The following CDKL5 variants were observed in gnomAD, a reference collection of about 807,000 sequenced individuals.
CDKL5 encodes cyclin dependent kinase like 5, also known as cyclin-dependent kinase-like 5.
Under a neutral mutation model 61.7 loss-of-function variants are expected in CDKL5, and 8 were observed. The observed-to-expected ratio is 0.13, with a 90% CI of 0.08 to 0.23. The LOEUF (loss-of-function observed/expected upper bound fraction) is 0.23, where lower values mean the gene tolerates loss of function less well. Among genes scored for constraint, CDKL5 ranks in the 10% least tolerant of loss-of-function variants. The pLI is 1.00. For missense variants in CDKL5, 440 were observed against 734.5 expected (o/e 0.60, Z 4.63); for synonymous variants, 275 against 272.3 (o/e 1.01, Z -0.10).
chrX:18,646,046 G>A, exon 20 of CDKL5: 1 of 1,211,881 alleles, frequency 8.3e-7, no homozygotes, highest in Non-Finnish European at 1.1e-6. Context: ...CACCATTCTG[G>A]ACCCCAAGAT....
chrX:18,441,922 G>A (rs1036124611), intron 1 of CDKL5, among the ~76,000 whole-genome samples: 3 of 111,227 alleles, frequency 2.7e-5, no homozygotes, highest in East Asian at 2.8e-4. Context: ...TTTCAGGCCT[G>A]ACTCTCAGGA....
intron 4 of CDKL5, 81 bp downstream of exon 4, chrX:18,564,603 A>G (rs1357349409): frequency 1.3e-5 from 4 of 307,694 alleles, no homozygotes. Flanking sequence ...TAGAGTGTGG[A>G]AGAAGTGGGA....
chrX:18,621,200 A>C (rs1399944458), intron 16 of CDKL5, among the ~76,000 whole-genome samples: 1 of 112,127 alleles, frequency 8.9e-6, no homozygotes, highest in African/African-American at 3.2e-5. Flanking sequence ...GGCCCTTTCT[A>C]TTATGAAAAT....
chrX:18,552,635 C>T (rs779219843), intron 3 of CDKL5, among the ~76,000 whole-genome samples: 2 of 111,545 alleles, frequency 1.8e-5, no homozygotes, highest in Non-Finnish European at 3.8e-5. Flanking sequence ...AAAGAAGAGG[C>T]GCTTGCTGAG....
At chrX:18,439,683 C>A (rs1222303490) in intron 1 of CDKL5, among the ~76,000 whole-genome samples, 2 of 109,655 alleles carry the variant, frequency 1.8e-5, no homozygotes, top group Non-Finnish European at 3.8e-5. Context: ...ACTAAATATA[C>A]AAAATTAGCT....
chrX:18,542,073 A>G (rs572512038), intron 3 of CDKL5, among the ~76,000 whole-genome samples: 1 of 111,932 alleles, frequency 8.9e-6, no homozygotes, highest in South Asian at 3.7e-4. Flanking sequence ...TTATGTCATT[A>G]GAATCTGGAT....
Position 18,635,647 on chromosome X carries a change from C to G in CDKL5, c.*6890C>G. On this transcript the variant is annotated 3_prime_UTR_variant, in exon 18 of 18. Transcript: ENST00000623535. Reference sequence around the variant, plus strand: ...TTTTCCCCTTACGGCATTTTGAAAACTTTGGTTTGTTTTATACTTGAGTGT... The same window carrying G: ...TTTTCCCCTTACGGCATTTTGAAAAGTTTGGTTTGTTTTATACTTGAGTGT... 1.3e-6 allele frequency: 1 copy of G among 748,218 alleles called. No individual in the cohort carries two copies. The highest frequency in any genetic ancestry group is 1.6e-6 in the Non-Finnish European group (1 of 633,924). The allele number at this position is 748,218 out of a possible 1,213,427, so 61.7% of individuals were successfully genotyped here. A position where few individuals can be genotyped will look rare whatever the true frequency, so the allele number is the denominator to read the frequency against.
chrX:18,440,982 C>T (rs1379220933), intron 1 of CDKL5, among the ~76,000 whole-genome samples: 1 of 111,210 alleles, frequency 9.0e-6, no homozygotes, highest in Non-Finnish European at 1.9e-5. Flanking sequence ...ATTTTCGCCT[C>T]CTTTTATGTT....
At chrX:18,518,457 T>G in intron 3 of CDKL5, among the ~76,000 whole-genome samples, 1 of 83,305 alleles carries the variant, frequency 1.2e-5, no homozygotes, top group Non-Finnish European at 2.2e-5. Flanking sequence ...CAGGCTGGAG[T>G]GCAGTGGGAC....
chrX:18,460,482 T>TTTTA (rs1000150383), intron 1 of CDKL5, among the ~76,000 whole-genome samples: 1 of 111,039 alleles, frequency 9.0e-6, no homozygotes, highest in Non-Finnish European at 1.9e-5. Flanking sequence ...TCAAGGTTCT[T>TTTTA]TTTATTTATT....
intron 8 of CDKL5, among the ~76,000 whole-genome samples, chrX:18,586,090 A>AT (rs896864596): frequency 1.8e-5 from 2 of 110,985 alleles, no homozygotes; most frequent in Non-Finnish European, 3.8e-5. Flanking sequence ...AAGCTTTACT[A>AT]TTTTTTTTAA....
intron 1 of CDKL5, among the ~76,000 whole-genome samples, chrX:18,460,828 G>A (rs1332291690): frequency 8.9e-6 from 1 of 111,941 alleles, no homozygotes. Flanking sequence ...CTTATTAAGT[G>A]GGATTCAAGG....
intron 3 of CDKL5, among the ~76,000 whole-genome samples, chrX:18,556,882 CAAAAAAAAAAAAAA>C (rs67362338): frequency 6.7e-5 from 3 of 44,957 alleles, no homozygotes; most frequent in South Asian, 2.1e-3. Context: ...GACTCCGTCT[CAAAAAAAAAAAAAA>C]AAAAAAAAAA....
At chrX:18,445,298 G>A (rs1265969333) in intron 1 of CDKL5, among the ~76,000 whole-genome samples, 1 of 110,426 alleles carries the variant, frequency 9.1e-6, no homozygotes, top group African/African-American at 3.3e-5. Context: ...GGCTGGTCTC[G>A]GACTCCTGAC....
intron 3 of CDKL5, among the ~76,000 whole-genome samples, chrX:18,560,165 G>A (rs1924750560): frequency 9.0e-6 from 1 of 111,192 alleles, no homozygotes; most frequent in Admixed American, 9.6e-5. Context: ...GGATGGCTGG[G>A]TCAAATGGTA....
At chrX:18,529,534 C>A (rs749605675) in intron 3 of CDKL5, among the ~76,000 whole-genome samples, 2 of 111,120 alleles carry the variant, frequency 1.8e-5, no homozygotes, top group Non-Finnish European at 3.8e-5. Flanking sequence ...CTTTTTAAAG[C>A]ATTTTTAAAG....
At chrX:18,626,048 T>C (rs780729343) in intron 17 of CDKL5, among the ~76,000 whole-genome samples, 60 of 109,806 alleles carry the variant, frequency 5.5e-4, no homozygotes, top group Non-Finnish European at 9.9e-4. Context: ...ATTTCTGTGA[T>C]TGGGAGAGCG....
chrX:18,579,709 A>G, intron 5 of CDKL5, 139 bp from the exon 6 acceptor site: 1 of 566,019 alleles, frequency 1.8e-6, no homozygotes, highest in African/African-American at 2.3e-5. Flanking sequence ...CAGCATGAGA[A>G]AGTTGTAGAT....
At chrX:18,569,301 G>T (rs1387570976) in intron 4 of CDKL5, among the ~76,000 whole-genome samples, 1 of 111,172 alleles carries the variant, frequency 9.0e-6, no homozygotes, top group Non-Finnish European at 1.9e-5. Context: ...TTCCTGCAGA[G>T]AAATTTTATC....
Sources: allele counts gnomAD v4.1 joint callset (sites outside exome capture counted in the v4.1 genomes callset), GRCh38; gene constraint gnomAD v4.1.1; transcripts MANE v1.5; gene names NCBI Gene and HGNC (gene_info 2026-07-23, HGNC 2026-07-21).